Variants in MYPN observed in about 807,000 individuals in gnomAD.
MYPN encodes myopalladin.
A neutral mutation model predicts 129.4 loss-of-function variants in MYPN; 63 were observed. The observed-to-expected ratio is 0.49, with a 90% CI of 0.40 to 0.60. MYPN has a LOEUF of 0.60. Among genes scored for constraint, MYPN ranks in the 20% least tolerant of loss-of-function variants. The pLI is 0.00. For synonymous variants in MYPN, 629 were observed against 600.9 expected, an observed-to-expected ratio of 1.05 and a Z score of -0.68; for missense variants, 1,596 against 1,635.4, an observed-to-expected ratio of 0.98 and a Z score of 0.42.
In MYPN at chr10:68,121,773, G is replaced by T; in HGVS notation, c.335G>T (p.Ser112Ile). ...PDQMKHSPNL[S>I]FEPNFCQDNP... Reference sequence around the variant, plus strand: ...CAGATGAAACACTCACCTAATTTAAGTTTTGAGCCTAACTTCTGCCAGGAT... The same window carrying T: ...CAGATGAAACACTCACCTAATTTAATTTTTGAGCCTAACTTCTGCCAGGAT... The change falls in exon 2 of 20, where the codon AGT becomes ATT. Residue 112 changes from serine (S) to isoleucine (I), a missense_variant. By Grantham distance (142) the Ser-to-Ile change is moderately radical (BLOSUM62 -2). Coordinates refer to ENST00000358913, the MANE Select transcript of MYPN (RefSeq NM_032578.4). 6.2e-7 allele frequency: 1 copy of T among 1,614,184 alleles called. No homozygotes were observed. Among genetic ancestry groups the T allele is most frequent in the Non-Finnish European group, 8.5e-7 (1 of 1,180,024 alleles).
At chr10:68,100,801 T>G (rs1447367443) in intron 1 of MYPN, among the ~76,000 whole-genome samples, 1 of 152,136 alleles carries the variant, frequency 6.6e-6, no homozygotes, top group African/African-American at 2.4e-5. Flanking sequence ...TTGAGCCAAA[T>G]GCACATATAG....
chr10:68,182,993 A>T (rs898812427), intron 12 of MYPN, among the ~76,000 whole-genome samples: 2 of 152,194 alleles, frequency 1.3e-5, no homozygotes, highest in Non-Finnish European at 2.9e-5. Context: ...CAATTCAAAC[A>T]TTTAAATTCT....
chr10:68,116,282 T>TAA (rs199894824), intron 1 of MYPN, among the ~76,000 whole-genome samples: 1 of 106,170 alleles, frequency 9.4e-6, no homozygotes, highest in South Asian at 3.5e-4. Context: ...AATTAATGCT[T>TAA]AAAAAAATAA....
rs374305942 is a variant in MYPN, at chr10:68,199,627, C to T, written c.3493+52C>T. ...ACACAACTTCCTCCAAAGTCATTACCCAAAGAGGCAGAGCCTCTGCCAGAA... is the reference window on the plus strand; with the variant it reads ...ACACAACTTCCTCCAAAGTCATTACTCAAAGAGGCAGAGCCTCTGCCAGAA... On this transcript the variant is annotated intron_variant, in intron 17 of 19. Coordinates refer to ENST00000358913, the MANE Select transcript of MYPN (RefSeq NM_032578.4). 1.3e-4 allele frequency: 200 copies of T among 1,562,968 alleles called. No individual in the cohort carries two copies. The African/African-American group carries it at 2.4e-3, about 18-fold the overall frequency.
At chr10:68,117,196 C>T (rs1414882471) in intron 1 of MYPN, among the ~76,000 whole-genome samples, 1 of 150,670 alleles carries the variant, frequency 6.6e-6, no homozygotes, top group Non-Finnish European at 1.5e-5. Flanking sequence ...TGCACTCCAG[C>T]CTGGGCAACA....
chr10:68,169,856 C>T (rs1380076763), intron 10 of MYPN, among the ~76,000 whole-genome samples: 6 of 152,054 alleles, frequency 3.9e-5, no homozygotes, highest in African/African-American at 1.4e-4. Context: ...CCTCCTGCCT[C>T]AGCCTCCCGA....
intron 8 of MYPN, among the ~76,000 whole-genome samples, chr10:68,164,510 C>T (rs2043025837): frequency 6.6e-6 from 1 of 152,210 alleles, no homozygotes; most frequent in African/African-American, 2.4e-5. Context: ...GCCCCACTGG[C>T]CAGATTTCCT....
Position 68,195,455 on chromosome 10 carries a change from A to G in MYPN, c.3081A>G (p.Arg1027=). Residue 1027 remains arginine, a synonymous_variant, in exon 15 of 20, where the codon AGA becomes AGG. Coordinates refer to ENST00000358913, the MANE Select transcript of MYPN (RefSeq NM_032578.4). ...YTIMAANPQG[R]ISCSGHLMVQ... ...GCTCTTTTTCTGTTTGTCAGGGGAG[A>G]ATCAGCTGTTCTGGCCACTTGATGG... 1 of 1,613,898 alleles carries G rather than the reference A, an allele frequency of 6.2e-7. No individual in the cohort carries two copies. The highest frequency in any genetic ancestry group is 8.5e-7 in the Non-Finnish European group (1 of 1,179,824).
chr10:68,136,372 T>A (rs2042486892), intron 2 of MYPN: 1 of 862,530 alleles, frequency 1.2e-6, no homozygotes, highest in South Asian at 4.5e-5. Flanking sequence ...TCTGTAAGTG[T>A]CATGAGGATT....
At chr10:68,169,884 T>G (rs182203921) in intron 10 of MYPN, among the ~76,000 whole-genome samples, 74 of 152,152 alleles carry the variant, frequency 4.9e-4, no homozygotes, top group Admixed American at 2.1e-3. Flanking sequence ...TGATTACAGG[T>G]GCACACCACC....
In MYPN at chr10:68,199,573, T is replaced by A; in HGVS notation, c.3491T>A (p.Val1164Glu). The A allele has an allele frequency of 6.3e-7, 1 of 1,590,678 alleles. No individual in the cohort carries two copies. Among genetic ancestry groups the A allele is most frequent in the African/African-American group, 1.4e-5 (1 of 71,320 alleles). ...QNSFSLELSV[V>E]AKEVKKAPVI... is the part of the protein sequence containing the mutation. ...TCTTTTAGTCTGGAGCTCTCTGTAG[T>A]AGGTAAGGTTTGCTGCTGGGACCCC... The change falls in exon 17 of 20, where the codon GTA (valine) becomes GAA (glutamate). Residue 1164 changes from valine to glutamate, a missense_variant and splice_region_variant. Val to Glu is a moderately radical substitution (Grantham distance 121, BLOSUM62 -2). Transcript: ENST00000358913.
chr10:68,210,441 A>G lies in MYPN; in HGVS notation c.3949A>G (p.Ser1317Gly). Residue 1317 changes from serine to glycine, a missense_variant, in exon 20 of 20, where the codon AGT (serine) becomes GGT (glycine). Physicochemically the swap from Ser to Gly is moderately conservative, Grantham distance 56. Coordinates refer to ENST00000358913, the MANE Select transcript of MYPN (RefSeq NM_032578.4). Reference protein sequence around the residue: ...YSCSSRSVVESDEL With the variant: ...YSCSSRSVVEGDEL ...ATGCTCTTCTCGGAGTGTAGTGGAG[A>G]GTGATGAACTTTAAGAATGTCTAGG... is the stretch of plus-strand genomic sequence containing the variant. 6.2e-7 allele frequency: 1 copy of G among 1,614,016 alleles called. No homozygotes were observed. The highest frequency in any genetic ancestry group is 8.5e-7 in the Non-Finnish European group (1 of 1,179,984).
chr10:68,206,311 C>T (rs1284052253), intron 18 of MYPN, among the ~76,000 whole-genome samples: 1 of 152,138 alleles, frequency 6.6e-6, no homozygotes, highest in Non-Finnish European at 1.5e-5. Context: ...GGCTGATTTC[C>T]TCCTAAACCT....
In MYPN at chr10:68,174,439, G is replaced by T. The variant is rs1219536562; in HGVS notation, c.2347G>T (p.Glu783Ter). 6.2e-7 allele frequency: 1 copy of T among 1,613,988 alleles called. No homozygotes were observed. ...KSPGGLSIQN[E>*]PLPPGPTEPT... ...TCCAGGAGGGCTTTCCATCCAAAATGAGCCACTCCCACCAGGCCCAACAGA... is the reference window on the plus strand; with the variant it reads ...TCCAGGAGGGCTTTCCATCCAAAATTAGCCACTCCCACCAGGCCCAACAGA... Residue 783 changes from glutamate to a stop codon, truncating the protein, a stop_gained, in exon 11 of 20, where the codon GAG becomes TAG. Transcript: ENST00000358913. LOFTEE classifies it high-confidence loss of function.
intron 18 of MYPN, among the ~76,000 whole-genome samples, chr10:68,205,859 T>A (rs944180844): frequency 6.6e-6 from 1 of 152,196 alleles, no homozygotes; most frequent in East Asian, 1.9e-4. Flanking sequence ...AGCCAATGTG[T>A]TAGTGTAGTG....
chr10:68,211,790 T>C lies in MYPN; in HGVS notation c.*1335T>C. 8.8e-6 allele frequency: 4 copies of C among 454,138 alleles called. No individual in the cohort carries two copies. The highest frequency in any genetic ancestry group is 6.2e-5 in the South Asian group (4 of 64,474). 28.1% of individuals were successfully genotyped at this position (454,138 alleles called of 1,614,324 possible). ...CCACACACCAGTCCAAACACTGCCCTGGGAATGCTCATCACAGCACAGTTT... is the reference window on the plus strand; with the variant it reads ...CCACACACCAGTCCAAACACTGCCCCGGGAATGCTCATCACAGCACAGTTT... On this transcript the variant is annotated 3_prime_UTR_variant, in exon 20 of 20. Coordinates refer to ENST00000358913, the MANE Select transcript of MYPN (RefSeq NM_032578.4).
chr10:68,110,746 C>T (rs2042070619), intron 1 of MYPN, among the ~76,000 whole-genome samples: 1 of 152,110 alleles, frequency 6.6e-6, no homozygotes, highest in Non-Finnish European at 1.5e-5. Context: ...TCTATACTTA[C>T]AGCTATCATA....
chr10:68,103,166 A>G (rs1337321160), upstream of MYPN, among the ~76,000 whole-genome samples: 19 of 152,214 alleles, frequency 1.2e-4, no homozygotes, highest in Admixed American at 1.2e-3. Context: ...TGCCAGACAT[A>G]TAGATTCATA....
At chr10:68,160,332 G>A (rs898768427) in intron 7 of MYPN, among the ~76,000 whole-genome samples, 2 of 150,586 alleles carry the variant, frequency 1.3e-5, no homozygotes, top group South Asian at 4.2e-4. Flanking sequence ...TCTGAAGGTT[G>A]AGGCAGGAGA....
Sources: gnomAD v4.1 joint callset for allele counts (sites outside exome capture counted in the v4.1 genomes callset) on GRCh38, gnomAD v4.1.1 for gene constraint, MANE v1.5 for transcripts, NCBI Gene and HGNC (gene_info 2026-07-23, HGNC 2026-07-21) for gene names.